Variants in UTP18 observed in about 807,000 individuals in gnomAD.
The protein encoded by UTP18 is UTP18 small subunit processome component, also known as U3 small nucleolar RNA-associated protein 18 homolog.
UTP18 carries 36 observed loss-of-function variants against 61.1 expected under a neutral mutation model. The observed-to-expected ratio is 0.59, with a 90% CI of 0.45 to 0.78. The LOEUF is 0.78. Ranked by LOEUF, UTP18 falls within the 30% of genes least tolerant of loss-of-function variation. The pLI, the probability that UTP18 is intolerant of heterozygous loss-of-function variation, is 0.00. For missense variants in UTP18, 753 were observed against 693.9 expected, an observed-to-expected ratio of 1.09 and a Z score of -0.96; for synonymous variants, 282 against 251.1, an observed-to-expected ratio of 1.12 and a Z score of -1.16.
At chr17:51,269,839 T>TTGTGTG (rs58180688) in intron 4 of UTP18, among the ~76,000 whole-genome samples, 4,742 of 137,744 alleles carry the variant, frequency 0.034, 87 homozygotes, top group Non-Finnish European at 0.046. Flanking sequence ...AAATAATGTA[T>TTGTGTG]TGTGTGTGTG....
chr17:51,296,376 G>A (rs1905368721), intron 12 of UTP18: 1 of 152,160 alleles, frequency 6.6e-6, no homozygotes, highest in Non-Finnish European at 1.5e-5. Context: ...TTGGTTTTGA[G>A]GAAATAGTTG....
In UTP18 at chr17:51,263,449, T is replaced by C. The variant is rs2055528547; in HGVS notation, c.455+63T>C. 4 of 1,201,624 alleles carry C rather than the reference T, an allele frequency of 3.3e-6. No individual in the cohort carries two copies. In the East Asian group the frequency reaches 7.4e-5, roughly 22 times the overall value. The allele number at this position is 1,201,624 out of a possible 1,614,324, so 74.4% of individuals were successfully genotyped here. On this transcript the variant is annotated intron_variant, in intron 2 of 13. Coordinates refer to ENST00000225298, the MANE Select transcript of UTP18 (RefSeq NM_016001.3). ...ACTTAAAAAAGTTATTTTGCAGATT[T>C]TAAAATCATTCTTTTTACCAATTTG...
chr17:51,287,188 T>G (rs1168159032), intron 10 of UTP18, among the ~76,000 whole-genome samples: 2 of 152,222 alleles, frequency 1.3e-5, no homozygotes, highest in Non-Finnish European at 2.9e-5. Flanking sequence ...TAGGAAAGAA[T>G]CTAATACTAG....
chr17:51,285,884 G>A (rs1386234713), intron 10 of UTP18, among the ~76,000 whole-genome samples: 1 of 152,184 alleles, frequency 6.6e-6, no homozygotes, highest in Admixed American at 6.5e-5. Context: ...TATAATTGCA[G>A]TTGAACACCT....
In UTP18 at chr17:51,260,597, CGGA is replaced by C; in HGVS notation, c.18_20del (p.Arg8del). On this transcript the variant is annotated inframe_deletion, in exon 1 of 14. Transcript: ENST00000225298. ...CTCAAACCTAACGATGCCGCCGGAG[CGGA>C]GGAGACGAATGAAACTGGACCGGAG... The C allele has an allele frequency of 6.2e-7, 1 of 1,612,296 alleles. No homozygotes were observed. Among genetic ancestry groups the C allele is most frequent in the Non-Finnish European group, 8.5e-7 (1 of 1,179,586 alleles).
chr17:51,281,333 A>G (rs1417670551), intron 9 of UTP18, among the ~76,000 whole-genome samples: 1 of 152,016 alleles, frequency 6.6e-6, no homozygotes, highest in Non-Finnish European at 1.5e-5. Flanking sequence ...ATGGGAAGAT[A>G]ATGCTTATTT....
intron 4 of UTP18, among the ~76,000 whole-genome samples, chr17:51,269,235 TGTGATAA>T (rs935660503): frequency 9.0e-4 from 109 of 120,564 alleles, no homozygotes; most frequent in African/African-American, 3.3e-3. Context: ...TGCAATAACC[TGTGATAA>T]GTGATAAGTG....
intron 3 of UTP18, 62 bp downstream of exon 3, chr17:51,266,342 C>A: frequency 1.7e-6 from 2 of 1,149,810 alleles, no homozygotes; most frequent in Non-Finnish European, 2.4e-6. Flanking sequence ...CAGTCATTAA[C>A]CGTAACCGCT....
At chr17:51,284,969 G>A (rs1269881118) in intron 9 of UTP18, among the ~76,000 whole-genome samples, 1 of 151,484 alleles carries the variant, frequency 6.6e-6, no homozygotes, top group African/African-American at 2.4e-5. Context: ...GCTGAGGCAG[G>A]AAAATCACTT....
At chr17:51,292,920 A>G (rs1905270713) in intron 11 of UTP18, among the ~76,000 whole-genome samples, 1 of 152,226 alleles carries the variant, frequency 6.6e-6, no homozygotes, top group African/African-American at 2.4e-5. Flanking sequence ...GCCCTCTTCG[A>G]GGAGAAATTG....
chr17:51,294,009 CCT>C lies in UTP18; in HGVS notation c.1611_1612del (p.Leu538GlyfsTer3). ...TTTTCTCCGAGAAGTGGATACTTTG[CCT>C]TGGGGAATGAAAAGGGCAAGGCCCT... On this transcript the variant is annotated frameshift_variant, in exon 12 of 14. Transcript: ENST00000225298. LOFTEE classifies it high-confidence loss of function. 6.2e-7 allele frequency: 1 copy of C among 1,608,952 alleles called. No homozygotes were observed. Among genetic ancestry groups the C allele is most frequent in the Non-Finnish European group, 8.5e-7 (1 of 1,177,780 alleles).
At chr17:51,265,766 G>A (rs1045233426) in intron 2 of UTP18, among the ~76,000 whole-genome samples, 2 of 151,358 alleles carry the variant, frequency 1.3e-5, no homozygotes, top group Non-Finnish European at 1.5e-5. Flanking sequence ...GTTTCACCAC[G>A]TTGGCCAAGA....
intron 5 of UTP18, among the ~76,000 whole-genome samples, chr17:51,275,197 CAAA>C (rs1198501496): frequency 2.6e-4 from 26 of 100,824 alleles, no homozygotes; most frequent in African/African-American, 7.1e-4. Context: ...AACCCAGTCT[CAAA>C]AAAAAAAAAA....
chr17:51,279,909 C>G, intron 7 of UTP18, 96 bp from the exon 8 acceptor site: 1 of 1,004,430 alleles, frequency 1.0e-6, no homozygotes, highest in African/African-American at 1.6e-5. Flanking sequence ...GAGCCACTTA[C>G]GTATTTTAAA....
chr17:51,296,983 C>G lies in UTP18; in HGVS notation c.1665C>G (p.Asp555Glu). 6.2e-7 allele frequency: 1 copy of G among 1,606,214 alleles called. No homozygotes were observed. The change falls in exon 13 of 14, where the codon GAC becomes GAG. Residue 555 changes from aspartate to glutamate, a missense_variant. Transcript: ENST00000225298. ...ALMYRLHHYS[D>E]F ...TTTCCAGGTTGCACCATTACTCAGA[C>G]TTCTAAAGAGACTATTTGAAGTAAG... is the stretch of plus-strand genomic sequence containing the variant.
intron 2 of UTP18, 29 bp downstream of exon 2, chr17:51,263,415 C>T (rs760198108): frequency 2.7e-6 from 4 of 1,484,666 alleles, no homozygotes; most frequent in Admixed American, 3.9e-5. Context: ...CTTCTGAATC[C>T]CTCTGTACAC....
At chr17:51,268,485 A>G (rs1041355154) in intron 3 of UTP18, among the ~76,000 whole-genome samples, 2 of 152,228 alleles carry the variant, frequency 1.3e-5, no homozygotes, top group East Asian at 3.8e-4. Context: ...TGTGTAGTCT[A>G]TGTACTGTGG....
intron 1 of UTP18, 43 bp from the exon 2 acceptor site, chr17:51,263,231 G>A: frequency 1.3e-6 from 2 of 1,555,846 alleles, no homozygotes; most frequent in Non-Finnish European, 1.8e-6. Flanking sequence ...GCAGTCATGG[G>A]ATAGGAAAAT....
intron 9 of UTP18, among the ~76,000 whole-genome samples, chr17:51,281,373 C>G (rs1441189697): frequency 1.3e-5 from 2 of 151,866 alleles, no homozygotes; most frequent in Non-Finnish European, 1.5e-5. Flanking sequence ...AATCATTCTC[C>G]TATGATTCCC....
Sources: allele counts gnomAD v4.1 joint callset (sites outside exome capture counted in the v4.1 genomes callset), GRCh38; gene constraint gnomAD v4.1.1; transcripts MANE v1.5; gene names NCBI Gene and HGNC (gene_info 2026-07-23, HGNC 2026-07-21).